Variants in TBPL2 observed in about 807,000 individuals in gnomAD.
TBPL2 encodes the protein TATA box-binding protein-like 2.
A neutral mutation model predicts 38.2 loss-of-function variants in TBPL2; 40 were observed. That is an observed-to-expected ratio of 1.05 (90% CI 0.81 to 1.36). The LOEUF is 1.36. Ranked by LOEUF, TBPL2 falls within the 40% of genes most tolerant of loss-of-function variation. TBPL2 has a pLI of 0.00. For missense variants in TBPL2, 461 were observed against 456.7 expected, an observed-to-expected ratio of 1.01 and a Z score of -0.09; for synonymous variants, 169 against 171.7, an observed-to-expected ratio of 0.98 and a Z score of 0.12.
At chr14:55,436,232 A>G (rs375210054) in intron 2 of TBPL2, among the ~76,000 whole-genome samples, 2 of 152,288 alleles carry the variant, frequency 1.3e-5, no homozygotes, top group Admixed American at 6.5e-5. Flanking sequence ...ATCAAACTCA[A>G]TTTTACATCT....
intron 2 of TBPL2, 85 bp from the exon 3 acceptor site, chr14:55,436,019 G>T (rs1046300940): frequency 3.6e-6 from 3 of 835,646 alleles, no homozygotes; most frequent in Non-Finnish European, 5.4e-6. Context: ...CATTTCTTAG[G>T]TTATACCTTA....
exon 2 of TBPL2, chr14:55,436,823 T>C (rs970477282): frequency 6.2e-7 from 1 of 1,614,264 alleles, no homozygotes; most frequent in Non-Finnish European, 8.5e-7. Flanking sequence ...TGTTTGCTAA[T>C]GACAGGCTGG....
chr14:55,429,925 C>T (rs370513018), intron 4 of TBPL2, among the ~76,000 whole-genome samples: 1 of 152,092 alleles, frequency 6.6e-6, no homozygotes, highest in Admixed American at 6.5e-5. Flanking sequence ...TCCAAAACAA[C>T]CACATGAAAA....
rs541573651 is a variant in TBPL2 at position 55,432,553 on chromosome 14, A to G, written c.788+1077T>C. Among the ~76,000 whole-genome samples, 43 of 152,308 alleles carry G rather than the reference A, an allele frequency of 2.8e-4. No homozygotes were observed. The South Asian group carries it at 8.3e-3, about 29-fold the overall frequency. Reference sequence around the variant, plus strand: ...AAAAACAAAAGATAAATCTCTCCATAGATAACTGAGCAAATGACATAGCAA... The same window carrying G: ...AAAAACAAAAGATAAATCTCTCCATGGATAACTGAGCAAATGACATAGCAA... On this transcript the variant is annotated intron_variant, in intron 4 of 6. Coordinates refer to ENST00000247219, the Ensembl canonical transcript of TBPL2.
At chr14:55,440,320 G>T in intron 1 of TBPL2, 76 bp downstream of exon 1, 1 of 1,558,412 alleles carries the variant, frequency 6.4e-7, no homozygotes, top group Admixed American at 1.9e-5. Context: ...GTTTTAAGAG[G>T]AACGAAGGCA....
At chr14:55,428,627 AC>A (rs1352280564) in intron 5 of TBPL2, among the ~76,000 whole-genome samples, 179 bp downstream of exon 5, 2 of 151,670 alleles carry the variant, frequency 1.3e-5, no homozygotes, top group Non-Finnish European at 2.9e-5. Context: ...GTTTCAAAAG[AC>A]TGGGCACATG....
At chr14:55,437,375 G>A (rs1427495899) in intron 1 of TBPL2, among the ~76,000 whole-genome samples, 2 of 152,236 alleles carry the variant, frequency 1.3e-5, no homozygotes, top group Admixed American at 1.3e-4. Context: ...CTACTGGGGA[G>A]GCTGAGGCAT....
intron 6 of TBPL2, among the ~76,000 whole-genome samples, chr14:55,420,975 G>A (rs933702711): frequency 3.3e-5 from 5 of 151,158 alleles, no homozygotes; most frequent in Non-Finnish European, 5.9e-5. Flanking sequence ...GCAGGAGAAT[G>A]GCGTGAACCC....
rs1409441619 is a variant in TBPL2, at chr14:55,414,402, G to T, written c.1105C>A (p.Leu369Ile). ...GCTCAGGCTTTTTTAAAACCTTTTA[G>T]AATAGGATAGATGTTTTCAAATGCT... Residue 369 changes from leucine to isoleucine, a missense_variant, in exon 7 of 7, where the codon CTA (leucine) becomes ATA (isoleucine). Leu to Ile is a conservative substitution (Grantham distance 5). Coordinates refer to ENST00000247219, the Ensembl canonical transcript of TBPL2. The T allele has an allele frequency of 3.7e-6, 6 of 1,607,416 alleles. No homozygotes were observed. In the African/African-American group the frequency reaches 8.0e-5, roughly 22 times the overall value.
At chr14:55,424,416 C>G (rs148653129) in intron 5 of TBPL2, among the ~76,000 whole-genome samples, 163 bp from the exon 6 acceptor site, 2 of 152,200 alleles carry the variant, frequency 1.3e-5, no homozygotes, top group African/African-American at 4.8e-5. Context: ...CTTGAGTGTC[C>G]TAGGTAATAT....
At chr14:55,440,290 G>A in intron 1 of TBPL2, 106 bp downstream of exon 1, 3 of 1,374,866 alleles carry the variant, frequency 2.2e-6, no homozygotes, top group Non-Finnish European at 3.0e-6. Context: ...AACCAAGCCC[G>A]CCTCTTATGG....
chr14:55,419,162 C>T (rs1368220257), intron 6 of TBPL2, among the ~76,000 whole-genome samples: 1 of 152,216 alleles, frequency 6.6e-6, no homozygotes, highest in Non-Finnish European at 1.5e-5. Flanking sequence ...TGCTGTGGGA[C>T]AGGGTGAGCC....
chr14:55,431,910 A>G (rs930126761), intron 4 of TBPL2, among the ~76,000 whole-genome samples: 20 of 152,324 alleles, frequency 1.3e-4, no homozygotes, highest in Admixed American at 3.3e-4. Context: ...GAACATTTCC[A>G]TCTAGAGAAA....
intron 1 of TBPL2, among the ~76,000 whole-genome samples, chr14:55,437,796 C>G (rs915994596): frequency 6.6e-6 from 1 of 152,152 alleles, no homozygotes; most frequent in Non-Finnish European, 1.5e-5. Context: ...GAATGCTAAT[C>G]AAGACTCACT....
exon 1 of TBPL2, chr14:55,440,497 G>A (rs771325179): frequency 6.2e-7 from 1 of 1,612,300 alleles, no homozygotes; most frequent in Non-Finnish European, 8.5e-7. Flanking sequence ...GAGGGTAAGC[G>A]CGGAGCGAGC....
At chr14:55,432,668 A>T (rs1885950583) in intron 4 of TBPL2, among the ~76,000 whole-genome samples, 2 of 152,252 alleles carry the variant, frequency 1.3e-5, no homozygotes, top group African/African-American at 4.8e-5. Context: ...TTTAGCAAAT[A>T]TAAAAAGAAT....
Position 55,429,015 on chromosome 14 carries a change from A to G in TBPL2, c.789-41T>C, listed in dbSNP as rs760884484. 1.6e-5 allele frequency: 26 copies of G among 1,605,624 alleles called. No homozygotes were observed. The East Asian group carries it at 2.9e-4, about 18-fold the overall frequency. On this transcript the variant is annotated intron_variant, in intron 4 of 6. Coordinates refer to ENST00000247219, the Ensembl canonical transcript of TBPL2. ...TATGTTTAAAGATGTCTTAATCGCT[A>G]CATCCTCTCAACTACTGGTGTTGTA...
exon 4 of TBPL2, chr14:55,433,680 T>G (rs1333413113): frequency 6.2e-7 from 1 of 1,613,998 alleles, no homozygotes; most frequent in African/African-American, 1.3e-5. Context: ...TAAGGGCTGT[T>G]GTCCTGGGCT....
At chr14:55,430,092 A>G (rs991699159) in intron 4 of TBPL2, among the ~76,000 whole-genome samples, 3 of 152,150 alleles carry the variant, frequency 2.0e-5, no homozygotes. Flanking sequence ...GAGCCTGTGG[A>G]GTCCTGAGAG....
Sources: allele counts gnomAD v4.1 joint callset (sites outside exome capture counted in the v4.1 genomes callset), GRCh38; gene constraint gnomAD v4.1.1; transcripts MANE v1.5; gene names NCBI Gene and HGNC (gene_info 2026-07-23, HGNC 2026-07-21).